ANK3: variants seen among roughly 807,000 people sequenced by gnomAD.
ANK3 encodes ankyrin-3.
A neutral mutation model predicts 370.9 loss-of-function variants in ANK3; 57 were observed. That is an observed-to-expected ratio of 0.15 (90% CI 0.12 to 0.19). The LOEUF (loss-of-function observed/expected upper bound fraction) is 0.19. Ranked by LOEUF, ANK3 falls within the 10% of genes least tolerant of loss-of-function variation. The pLI is 1.00. For missense variants in ANK3, 4,439 were observed against 5,302.1 expected, an observed-to-expected ratio of 0.84 and a Z score of 5.06; for synonymous variants, 1,929 against 1,946.3, an observed-to-expected ratio of 0.99 and a Z score of 0.23.
intron 2 of ANK3, among the ~76,000 whole-genome samples, chr10:60,514,172 A>G (rs4638264): frequency 0.21 from 31,343 of 152,192 alleles, 3,842 homozygotes; most frequent in Non-Finnish European, 0.28. Flanking sequence ...TTGACTGTTT[A>G]CATTATCAGT....
At chr10:60,164,597 G>C (rs1490168997) in intron 23 of ANK3, among the ~76,000 whole-genome samples, 1 of 152,048 alleles carries the variant, frequency 6.6e-6, no homozygotes, top group Non-Finnish European at 1.5e-5. Flanking sequence ...ATAGAATGTA[G>C]TCTTCCCATC....
intron 1 of ANK3, among the ~76,000 whole-genome samples, chr10:60,348,919 A>G (rs1291445445): frequency 1.3e-5 from 2 of 152,212 alleles, no homozygotes; most frequent in Non-Finnish European, 2.9e-5. Context: ...ATCTTAGACT[A>G]TAACATCAAA....
At chr10:60,345,120 C>T (rs1260537878) in intron 1 of ANK3, among the ~76,000 whole-genome samples, 1 of 152,130 alleles carries the variant, frequency 6.6e-6, no homozygotes, top group Non-Finnish European at 1.5e-5. Context: ...GGATGCTGTA[C>T]ATGTACCTAT....
chr10:60,302,843 CA>C (rs200380186), intron 1 of ANK3, among the ~76,000 whole-genome samples: 216 of 107,418 alleles, frequency 2.0e-3, no homozygotes, highest in Admixed American at 6.2e-3. Flanking sequence ...AAACAAACAA[CA>C]AAAAAAAAAA....
chr10:60,400,892 G>A (rs1199315857), intron 2 of ANK3, among the ~76,000 whole-genome samples: 1 of 152,040 alleles, frequency 6.6e-6, no homozygotes, highest in Non-Finnish European at 1.5e-5. Context: ...AGGCCCCAGT[G>A]TGTGAAGTGA....
At chr10:60,217,407 T>C (rs1287871284) in intron 8 of ANK3, among the ~76,000 whole-genome samples, 4 of 152,172 alleles carry the variant, frequency 2.6e-5, no homozygotes, top group Admixed American at 2.0e-4. Context: ...TGCTATAAAA[T>C]TCCCTCTTAG....
chr10:60,166,982 C>T (rs1591135999), intron 21 of ANK3, 86 bp from the exon 22 acceptor site: 1 of 1,108,772 alleles, frequency 9.0e-7, no homozygotes, highest in Non-Finnish European at 1.4e-6. Flanking sequence ...TAATCAGTTT[C>T]TTGTGGAATG....
intron 2 of ANK3, among the ~76,000 whole-genome samples, chr10:60,530,885 A>C (rs576131552): frequency 2.6e-5 from 4 of 152,208 alleles, no homozygotes; most frequent in African/African-American, 9.6e-5. Flanking sequence ...GAACACCTCA[A>C]ACCAAGAACA....
intron 43 of ANK3, among the ~76,000 whole-genome samples, chr10:60,032,191 C>CTTCTTTTT (rs1402267186): frequency 1.7e-5 from 1 of 57,936 alleles, no homozygotes; most frequent in Admixed American, 1.5e-4. Context: ...AAATACACAG[C>CTTCTTTTT]TTCTTTTTTT....
intron 42 of ANK3, among the ~76,000 whole-genome samples, chr10:60,045,285 C>A (rs1046690800): frequency 5.9e-5 from 9 of 152,018 alleles, no homozygotes; most frequent in African/African-American, 2.2e-4. Context: ...GATTTGTTAT[C>A]TAATTTTGGA....
intron 1 of ANK3, among the ~76,000 whole-genome samples, chr10:60,310,255 A>G (rs2046079476): frequency 6.6e-6 from 1 of 152,138 alleles, no homozygotes; most frequent in Non-Finnish European, 1.5e-5. Flanking sequence ...TTCATGAGCA[A>G]AACAGATACA....
chr10:60,642,635 G>GGA (rs2078650640), intron 1 of ANK3, among the ~76,000 whole-genome samples: 1 of 93,568 alleles, frequency 1.1e-5, no homozygotes, highest in Non-Finnish European at 2.4e-5. Context: ...ACTGTTGTGG[G>GGA]GTGGGGGGGC....
chr10:60,055,805 A>G lies in ANK3; in HGVS notation c.12918T>C (p.Ser4306=). The G allele has an allele frequency of 6.2e-7, 1 of 1,614,192 alleles. No homozygotes were observed. The highest frequency in any genetic ancestry group is 8.5e-7 in the Non-Finnish European group (1 of 1,180,028). The change falls in exon 42 of 44, where the codon TCT becomes TCC. Residue 4306 remains serine (S), a synonymous_variant. Transcript: ENST00000280772. ...TTATAAGCTTGCTGGTTTCTTCTAG[A>G]GATTTCTGATATGCTGCTAGTGGTG... is the stretch of plus-strand genomic sequence containing the variant. The part of the protein sequence containing the change: ...PASPLAAYQK[S]LEETSKLIIE...
At chr10:60,720,554 C>T (rs905856071) in intron 1 of ANK3, among the ~76,000 whole-genome samples, 1 of 152,152 alleles carries the variant, frequency 6.6e-6, no homozygotes, top group Admixed American at 6.5e-5. Flanking sequence ...ATTTCTAACA[C>T]ATTTGCAAAA....
intron 1 of ANK3, among the ~76,000 whole-genome samples, chr10:60,297,146 CAAGACT>C (rs2042701766): frequency 2.0e-5 from 3 of 152,002 alleles, no homozygotes; most frequent in Admixed American, 6.6e-5. Context: ...ATCAATAATT[CAAGACT>C]AAATAAAGCT....
chr10:60,608,581 G>A (rs1006955), intron 2 of ANK3, among the ~76,000 whole-genome samples: 81,106 of 151,916 alleles, frequency 0.53, 21,720 homozygotes, highest in East Asian at 0.7. Context: ...GGCTCAGCAG[G>A]CATCTGAGAC....
rs71015785 is a variant in ANK3 at position 60,309,922 on chromosome 10, CT to C, written c.115-30284del. ...ATCAATTTCTTTTCTTTTCTTTTTT[CT>C]TTTTTTTTTTTTTTTGTTTTGAGAC... On this transcript the variant is annotated intron_variant, in intron 1 of 43. Coordinates refer to ENST00000280772, the MANE Select transcript of ANK3 (RefSeq NM_020987.5). Among the ~76,000 whole-genome samples the C allele has an allele frequency of 7.8e-3, 1,050 of 134,206 alleles. 1 individual carries two copies. The highest frequency in any genetic ancestry group is 0.014 in the South Asian group (59 of 4,084). 88.0% of individuals were successfully genotyped at this position (134,206 alleles called of 152,430 possible).
intron 1 of ANK3, among the ~76,000 whole-genome samples, chr10:60,715,434 G>C (rs926080038): frequency 3.1e-4 from 47 of 152,024 alleles, no homozygotes; most frequent in African/African-American, 1.1e-3. Context: ...CTGGTGGTGG[G>C]ATAAACATAA....
chr10:60,620,083 A>G (rs1434310960), intron 1 of ANK3, among the ~76,000 whole-genome samples: 1 of 152,204 alleles, frequency 6.6e-6, no homozygotes, highest in Admixed American at 6.5e-5. Flanking sequence ...GCTAAATTAA[A>G]AAGATTGAAC....
Sources: gnomAD v4.1 joint callset for allele counts (sites outside exome capture counted in the v4.1 genomes callset) on GRCh38, gnomAD v4.1.1 for gene constraint, MANE v1.5 for transcripts, NCBI Gene and HGNC (gene_info 2026-07-23, HGNC 2026-07-21) for gene names.